Variants in FAAH2 observed in about 807,000 individuals in gnomAD.
FAAH2 encodes the protein fatty acid amide hydrolase 2.
In FAAH2, 60 loss-of-function variants were observed where a neutral mutation model predicts 36.9. That is an observed-to-expected ratio of 1.63 (90% confidence interval 1.32 to 2.02). The LOEUF is 2.02. Ranked by LOEUF, FAAH2 falls within the 30% of genes most tolerant of loss-of-function variation. The pLI, the probability that FAAH2 is intolerant of heterozygous loss-of-function variation, is 0.00. For synonymous variants in FAAH2, 214 were observed against 143.8 expected (o/e 1.49, Z -3.49); for missense variants, 689 against 397.5 (o/e 1.73, Z -6.23).
intron 5 of FAAH2, among the ~76,000 whole-genome samples, chrX:57,362,413 G>A (rs753152469): frequency 2.7e-5 from 3 of 110,962 alleles, no homozygotes; most frequent in Non-Finnish European, 5.7e-5. Context: ...ATGACGGGTT[G>A]ATGGGTGCAG....
intron 10 of FAAH2, among the ~76,000 whole-genome samples, chrX:57,460,439 G>A (rs930166644): frequency 6.3e-5 from 7 of 111,855 alleles, no homozygotes; most frequent in East Asian, 2.8e-4. Context: ...AGGGAAACCC[G>A]CCAGACTAAT....
At chrX:57,280,262 T>C in the FAAH2 span, among the ~76,000 whole-genome samples, 2 of 110,736 alleles carry the variant, frequency 1.8e-5, no homozygotes, top group African/African-American at 6.6e-5. Context: ...TACACGGATA[T>C]GCTAAGAATC....
At chrX:57,206,854 T>C in the FAAH2 span, among the ~76,000 whole-genome samples, 195 of 112,128 alleles carry the variant, frequency 1.7e-3, 1 homozygote, top group African/African-American at 6.0e-3. Context: ...GATTTTTTCT[T>C]AATTACAAAA....
chrX:57,251,842 G>T, the FAAH2 span, among the ~76,000 whole-genome samples: 11 of 111,968 alleles, frequency 9.8e-5, no homozygotes, highest in Admixed American at 9.5e-5. Flanking sequence ...CACTAGGAAT[G>T]GTTGGAGAGT....
chrX:57,231,740 A>G, the FAAH2 span, among the ~76,000 whole-genome samples: 1 of 112,048 alleles, frequency 8.9e-6, no homozygotes, highest in Non-Finnish European at 1.9e-5. Context: ...TTCTGGCTCA[A>G]CAGTCTGAAT....
chrX:57,284,611 T>A (rs2051784560), upstream of FAAH2, among the ~76,000 whole-genome samples: 1 of 111,943 alleles, frequency 8.9e-6, no homozygotes, highest in Admixed American at 9.4e-5. Flanking sequence ...AAAGGGCCAG[T>A]CAATGGGGAA....
chrX:57,352,020 GTATA>G (rs1555979965), intron 5 of FAAH2, among the ~76,000 whole-genome samples: 1 of 7,765 alleles, frequency 1.3e-4, no homozygotes, highest in South Asian at 0.036. Flanking sequence ...ATGTGTGTGT[GTATA>G]TATATATATA....
intron 7 of FAAH2, among the ~76,000 whole-genome samples, chrX:57,421,386 C>T (rs1010907652): frequency 3.6e-5 from 4 of 111,893 alleles, no homozygotes; most frequent in East Asian, 2.8e-4. Flanking sequence ...CAAGAGGTGG[C>T]GGTTGCAGTG....
Position 57,404,302 on chromosome X carries a change from C to A in FAAH2, c.996+23273C>A, listed in dbSNP as rs1381483780. 2.7e-5 allele frequency among the ~76,000 whole-genome samples: 3 copies of A among 112,329 alleles called. No individual in the cohort carries two copies. In the Admixed American group the frequency reaches 2.8e-4, roughly 11 times the overall value. ...ACTATTTTTTCTTTACTACTTCTAT[C>A]TTTCTCTTTCTCTCTTTCTTTCTCC... On this transcript the variant is annotated intron_variant, in intron 7 of 10. Transcript: ENST00000374900.
chrX:57,268,148 C>T, the FAAH2 span, among the ~76,000 whole-genome samples: 16 of 111,703 alleles, frequency 1.4e-4, no homozygotes, highest in East Asian at 5.6e-4. Flanking sequence ...AGAATAGAGA[C>T]GAACATAACC....
the FAAH2 span, among the ~76,000 whole-genome samples, chrX:57,170,231 G>A: frequency 1.5e-4 from 17 of 112,022 alleles, no homozygotes; most frequent in African/African-American, 5.2e-4. Context: ...TGTTGTTGTT[G>A]TTGTTGTTGT....
chrX:57,447,686 G>A (rs1314201755), intron 9 of FAAH2, among the ~76,000 whole-genome samples: 1 of 111,887 alleles, frequency 8.9e-6, no homozygotes, highest in East Asian at 2.8e-4. Context: ...GCCCCTTTTA[G>A]CCATGATTCT....
chrX:57,437,853 T>C (rs2147134148), intron 8 of FAAH2, among the ~76,000 whole-genome samples: 1 of 102,876 alleles, frequency 9.7e-6, no homozygotes, highest in South Asian at 4.0e-4. Context: ...TTATATGTAC[T>C]TTTACTGATA....
chrX:57,229,138 AAAAC>A, the FAAH2 span: 1 of 112,044 alleles, frequency 8.9e-6, no homozygotes, highest in Non-Finnish European at 1.9e-5. Context: ...ACCTTACAGA[AAAAC>A]AAGCCAGACA....
chrX:57,215,615 C>A, the FAAH2 span, among the ~76,000 whole-genome samples: 3 of 111,128 alleles, frequency 2.7e-5, no homozygotes, highest in East Asian at 8.5e-4. Flanking sequence ...TACATATGCA[C>A]CATGGAATAC....
chrX:57,416,759 T>G (rs1484256848), intron 7 of FAAH2, among the ~76,000 whole-genome samples: 2 of 111,889 alleles, frequency 1.8e-5, no homozygotes, highest in African/African-American at 6.5e-5. Flanking sequence ...ATTTCCTGAA[T>G]TTGAATGTTG....
chrX:57,363,665 A>G (rs1427129237), intron 5 of FAAH2, among the ~76,000 whole-genome samples: 1 of 111,229 alleles, frequency 9.0e-6, no homozygotes, highest in Non-Finnish European at 1.9e-5. Context: ...GAACACTTCC[A>G]GCTTTAGTCA....
the FAAH2 span, among the ~76,000 whole-genome samples, chrX:57,242,476 T>C: frequency 4.5e-5 from 5 of 112,047 alleles, no homozygotes; most frequent in African/African-American, 1.6e-4. Flanking sequence ...GCAATATGGC[T>C]AAACAAGAAC....
chrX:57,306,714 GTGTGTGTGTGTGTGTGTA>G (rs1437506476), intron 2 of FAAH2, among the ~76,000 whole-genome samples: 12 of 71,837 alleles, frequency 1.7e-4, no homozygotes, highest in East Asian at 4.3e-4. Flanking sequence ...GTGTGTGTGT[GTGTGTGTGTGTGTGTGTA>G]TATATATACA....
Sources: gnomAD v4.1 joint callset for allele counts (sites outside exome capture counted in the v4.1 genomes callset) on GRCh38, gnomAD v4.1.1 for gene constraint, MANE v1.5 for transcripts, NCBI Gene and HGNC (gene_info 2026-07-23, HGNC 2026-07-21) for gene names.